NBEAL1: variants seen among roughly 807,000 people sequenced by gnomAD.
NBEAL1 encodes neurobeachin-like protein 1.
A neutral mutation model predicts 351.3 loss-of-function variants in NBEAL1; 273 were observed. That is an observed-to-expected ratio of 0.78 (90% CI 0.70 to 0.86). The LOEUF (loss-of-function observed/expected upper bound fraction) is 0.86, where lower values mean the gene tolerates loss of function less well. Among genes scored for constraint, NBEAL1 ranks in the 40% least tolerant of loss-of-function variants. The pLI, the probability that NBEAL1 is intolerant of heterozygous loss-of-function variation, is 0.00. For missense variants in NBEAL1, 2,961 were observed against 3,201.3 expected, an observed-to-expected ratio of 0.92 and a Z score of 1.81; for synonymous variants, 1,050 against 1,086.4, an observed-to-expected ratio of 0.97 and a Z score of 0.66.
rs1183581560 is a variant in NBEAL1 at position 203,127,809 on chromosome 2, C to T, written c.3277C>T (p.Leu1093=). The T allele has an allele frequency of 6.6e-7, 1 of 1,518,150 alleles. No individual in the cohort carries two copies. The allele number at this position is 1,518,150 out of a possible 1,614,324, so 94.0% of individuals were successfully genotyped here. The change falls in exon 24 of 56, where the codon CTA becomes TTA. Residue 1093 remains leucine (L), a synonymous_variant. Transcript: ENST00000683969. Reference sequence around the variant, plus strand: ...TGGTTGTAAATATAATGAACTATCTCTAGATGATATTCGAACAATAAGGAC... The same window carrying T: ...TGGTTGTAAATATAATGAACTATCTTTAGATGATATTCGAACAATAAGGAC... ...GNGCKYNELS[L]DDIRTIRTSL...
chr2:203,137,327 T>C (rs2063239044), intron 29 of NBEAL1, among the ~76,000 whole-genome samples: 1 of 152,212 alleles, frequency 6.6e-6, no homozygotes, highest in African/African-American at 2.4e-5. Flanking sequence ...ATCGTTAAAA[T>C]ATCATTAGTG....
At chr2:203,031,973 C>G (rs750149215) in intron 2 of NBEAL1, among the ~76,000 whole-genome samples, 1 of 152,030 alleles carries the variant, frequency 6.6e-6, no homozygotes. Flanking sequence ...ATGTCATTTC[C>G]GAAATTAGGC....
In NBEAL1 at chr2:203,108,131, A is replaced by G; in HGVS notation, c.1892A>G (p.Gln631Arg). ...FSFSAWFCLDQDQLTLGIANK... is the reference protein window; with the variant it reads ...FSFSAWFCLDRDQLTLGIANK... The stretch of plus-strand genomic sequence containing the variant: ...TTCAGTGCTTGGTTTTGCTTAGACC[A>G]GGATCAGTTGACTCTTGGCATTGCT... The change falls in exon 14 of 56, where the codon CAG becomes CGG. Residue 631 changes from glutamine (Q) to arginine (R), a missense_variant. By Grantham distance (43) the Gln-to-Arg change is conservative. Transcript: ENST00000683969. 6.4e-7 allele frequency: 1 copy of G among 1,552,188 alleles called. No individual in the cohort carries two copies. Among genetic ancestry groups the G allele is most frequent in the South Asian group, 1.2e-5 (1 of 84,068 alleles).
chr2:203,177,651 T>G (rs2064551658), intron 42 of NBEAL1, among the ~76,000 whole-genome samples: 1 of 152,230 alleles, frequency 6.6e-6, no homozygotes, highest in East Asian at 1.9e-4. Flanking sequence ...ATTGGAAGCC[T>G]TATAAATACT....
Position 203,180,501 on chromosome 2 carries a change from A to AAAATC in NBEAL1, c.6588_6592dup (p.Asn2198IlefsTer16), listed in dbSNP as rs763258081. 1 of 1,608,714 alleles carries AAAATC rather than the reference A, an allele frequency of 6.2e-7. No homozygotes were observed. The highest frequency in any genetic ancestry group is 1.1e-5 in the South Asian group (1 of 90,058). Reference sequence around the variant, plus strand: ...TTCTTCTATTTCCCAGAGTTTTTGGAAAATCAAAATCGTAAGAAATAGAGG... The same window carrying AAAATC: ...TTCTTCTATTTCCCAGAGTTTTTGGAAAATCAAATCAAAATCGTAAGAAATAGAGG... On this transcript the variant is annotated frameshift_variant, in exon 43 of 56. Coordinates refer to ENST00000683969, the MANE Select transcript of NBEAL1 (RefSeq NM_001378026.1). LOFTEE classifies it high-confidence loss of function.
intron 7 of NBEAL1, chr2:203,075,147 A>G (rs1274593587): frequency 6.6e-6 from 1 of 152,208 alleles, no homozygotes; most frequent in East Asian, 1.9e-4. Context: ...TGCCATCTTC[A>G]TGAAAAGGAT....
rs1157279786 is a variant in NBEAL1 at position 203,219,389 on chromosome 2, C to T, written c.*2035C>T. 1 of 151,650 alleles carries T rather than the reference C, an allele frequency of 6.6e-6. No individual in the cohort carries two copies. The highest frequency in any genetic ancestry group is 1.9e-4 in the East Asian group (1 of 5,188). 9.4% of individuals were successfully genotyped at this position (151,650 alleles called of 1,614,324 possible). A position where few individuals can be genotyped will look rare whatever the true frequency, so the allele number is the denominator to read the frequency against. On this transcript the variant is annotated 3_prime_UTR_variant, in exon 56 of 56. Coordinates refer to ENST00000683969, the MANE Select transcript of NBEAL1 (RefSeq NM_001378026.1). ...AAAACTTAGATAATTAGAAAAAATGCCTAAGTTTATGATGTTTTACTATGC... is the reference window on the plus strand; with the variant it reads ...AAAACTTAGATAATTAGAAAAAATGTCTAAGTTTATGATGTTTTACTATGC...
intron 55 of NBEAL1, 128 bp downstream of exon 55, chr2:203,213,781 A>AAGGC: frequency 6.6e-7 from 1 of 1,520,714 alleles, no homozygotes; most frequent in East Asian, 2.3e-5. Flanking sequence ...GATTTTTCAA[A>AAGGC]AGGCAGTAAA....
chr2:203,133,019 C>G lies in NBEAL1; in HGVS notation c.3725-39C>G, dbSNP rs887675520. 1.6e-5 allele frequency: 14 copies of G among 864,032 alleles called. No individual in the cohort carries two copies. In the East Asian group the frequency reaches 3.7e-4, roughly 23 times the overall value. 53.5% of individuals were successfully genotyped at this position (864,032 alleles called of 1,614,324 possible). A position where few individuals can be genotyped will look rare whatever the true frequency, so the allele number is the denominator to read the frequency against. On this transcript the variant is annotated intron_variant, in intron 26 of 55. Coordinates refer to ENST00000683969, the MANE Select transcript of NBEAL1 (RefSeq NM_001378026.1). ...TCCACAGTTCTTTCTTTGGTTATCT[C>G]TGGTATTTAATTTTAACTTTTTGTT...
At chr2:203,171,906 T>G (rs768260034) in intron 39 of NBEAL1, 22 bp from the exon 40 acceptor site, 67 of 1,419,808 alleles carry the variant, frequency 4.7e-5, no homozygotes, top group Non-Finnish European at 6.3e-5. Context: ...ATTTTGATAT[T>G]GCTCTTTTTT....
chr2:203,126,989 TGTGTAGAC>T, intron 23 of NBEAL1, 63 bp downstream of exon 23: 1 of 1,127,374 alleles, frequency 8.9e-7, no homozygotes, highest in Admixed American at 2.2e-5. Flanking sequence ...TTGATTGGAA[TGTGTAGAC>T]TGTAGACTTT....
intron 10 of NBEAL1, among the ~76,000 whole-genome samples, chr2:203,093,275 G>A (rs2062106757): frequency 6.8e-6 from 1 of 146,210 alleles, no homozygotes; most frequent in Non-Finnish European, 1.5e-5. Flanking sequence ...GCTTTATAGG[G>A]TCATCTCTAG....
At chr2:203,093,809 C>T (rs2062120503) in intron 10 of NBEAL1, among the ~76,000 whole-genome samples, 1 of 152,130 alleles carries the variant, frequency 6.6e-6, no homozygotes. Context: ...CACACCACTG[C>T]ACTCCAGCCT....
chr2:203,183,418 GAAT>G (rs751918336), intron 44 of NBEAL1, 30 bp downstream of exon 44: 3 of 1,208,132 alleles, frequency 2.5e-6, no homozygotes. Context: ...TTATTTGACA[GAAT>G]AATAAGATAA....
Position 203,149,299 on chromosome 2 carries a change from A to T in NBEAL1, c.5462+151A>T, listed in dbSNP as rs1037344817. Reference sequence around the variant, plus strand: ...CTTATTTATTGTCTTTCCATGAATTATAGGTCTGGGATGATTCGAGGTTGT... The same window carrying T: ...CTTATTTATTGTCTTTCCATGAATTTTAGGTCTGGGATGATTCGAGGTTGT... On this transcript the variant is annotated intron_variant, in intron 34 of 55. Coordinates refer to ENST00000683969, the MANE Select transcript of NBEAL1 (RefSeq NM_001378026.1). 8.7e-6 allele frequency: 5 copies of T among 576,404 alleles called. No homozygotes were observed. The African/African-American group carries it at 9.3e-5, about 11-fold the overall frequency. 35.7% of individuals were successfully genotyped at this position (576,404 alleles called of 1,614,324 possible).
Position 203,172,978 on chromosome 2 carries a change from G to A in NBEAL1, c.6323+125G>A. 9.5e-6 allele frequency: 6 copies of A among 628,898 alleles called. No individual in the cohort carries two copies. The South Asian group carries it at 1.6e-4, about 17-fold the overall frequency. The allele number at this position is 628,898 out of a possible 1,614,324, so 39.0% of individuals were successfully genotyped here. A position where few individuals can be genotyped will look rare whatever the true frequency, so the allele number is the denominator to read the frequency against. On this transcript the variant is annotated intron_variant, in intron 41 of 55. Transcript: ENST00000683969. Reference sequence around the variant, plus strand: ...CTACTACTTTTGATAATCAGAGTCTGATAATTACTTCACTAAGTTTTCTTG... The same window carrying A: ...CTACTACTTTTGATAATCAGAGTCTAATAATTACTTCACTAAGTTTTCTTG...
chr2:203,038,112 C>T lies in NBEAL1; in HGVS notation c.52-3653C>T, dbSNP rs56248209. On this transcript the variant is annotated intron_variant, in intron 2 of 55. Coordinates refer to ENST00000683969, the MANE Select transcript of NBEAL1 (RefSeq NM_001378026.1). ...ATTCCTGGAATAGTATTCCATTGTA[C>T]GAATGTACAACGATTTGTTTATCCG... Among the ~76,000 whole-genome samples, 570 of 149,166 alleles carry T rather than the reference C, an allele frequency of 3.8e-3. 53 individuals are homozygous for T. The highest frequency in any genetic ancestry group is 0.017 in the Middle Eastern group (5 of 294).
At chr2:203,147,464 C>A (rs767398349) in intron 33 of NBEAL1, among the ~76,000 whole-genome samples, 1 of 151,956 alleles carries the variant, frequency 6.6e-6, no homozygotes, top group Admixed American at 6.5e-5. Flanking sequence ...AAAATATATA[C>A]AGCATCTGCT....
At chr2:203,091,617 T>C (rs1201706045) in intron 10 of NBEAL1, among the ~76,000 whole-genome samples, 1 of 152,244 alleles carries the variant, frequency 6.6e-6, no homozygotes, top group Non-Finnish European at 1.5e-5. Context: ...TGTCTACACA[T>C]CCCTGCCAGC....
Sources: allele counts gnomAD v4.1 joint callset (sites outside exome capture counted in the v4.1 genomes callset), GRCh38; gene constraint gnomAD v4.1.1; transcripts MANE v1.5; gene names NCBI Gene and HGNC (gene_info 2026-07-23, HGNC 2026-07-21).